Variants in FGGY observed in about 807,000 individuals in gnomAD.
The protein encoded by FGGY is FGGY carbohydrate kinase domain containing, also known as FGGY carbohydrate kinase domain-containing protein.
A neutral mutation model predicts 71.3 loss-of-function variants in FGGY; 72 were observed. The observed-to-expected ratio is 1.01, with a 90% confidence interval of 0.84 to 1.23. FGGY has a LOEUF of 1.23. Among genes scored for constraint, FGGY ranks in the 50% most tolerant of loss-of-function variants. The probability of loss-of-function intolerance (pLI) is 0.00; values close to 1 mark genes in which losing one functional copy is unlikely to be tolerated. For missense variants in FGGY, 668 were observed against 682.3 expected, an observed-to-expected ratio of 0.98 and a Z score of 0.23; for synonymous variants, 251 against 250.3, an observed-to-expected ratio of 1.00 and a Z score of -0.02.
intron 6 of FGGY, among the ~76,000 whole-genome samples, chr1:59,469,598 T>C (rs2092832625): frequency 6.6e-6 from 1 of 152,220 alleles, no homozygotes; most frequent in Non-Finnish European, 1.5e-5. Flanking sequence ...ATTCATATTT[T>C]TTTTTAACTT....
intron 8 of FGGY, among the ~76,000 whole-genome samples, chr1:59,602,902 G>A (rs190437533): frequency 1.1e-4 from 16 of 152,230 alleles, no homozygotes; most frequent in Admixed American, 7.2e-4. Flanking sequence ...TGAGGTAAGC[G>A]ACCATGCCAC....
At chr1:59,690,483 A>G (rs1461570242) in intron 14 of FGGY, among the ~76,000 whole-genome samples, 2 of 152,180 alleles carry the variant, frequency 1.3e-5, no homozygotes, top group African/African-American at 2.4e-5. Context: ...ACCCATCTCT[A>G]TAAAGCTCCT....
At chr1:59,541,420 C>T (rs1267668573) in intron 7 of FGGY, among the ~76,000 whole-genome samples, 1 of 152,132 alleles carries the variant, frequency 6.6e-6, no homozygotes, top group Non-Finnish European at 1.5e-5. Flanking sequence ...ACAGCAGGTG[C>T]TGCCAGGCCT....
At chr1:59,457,989 A>G (rs1298455261) in intron 6 of FGGY, among the ~76,000 whole-genome samples, 4 of 152,322 alleles carry the variant, frequency 2.6e-5, no homozygotes, top group East Asian at 1.9e-4. Context: ...GCACTGTTGC[A>G]TGTTTACAGA....
intron 11 of FGGY, among the ~76,000 whole-genome samples, chr1:59,644,868 T>C (rs1467462250): frequency 6.6e-6 from 1 of 151,828 alleles, no homozygotes; most frequent in Non-Finnish European, 1.5e-5. Context: ...TCCCAGCTAC[T>C]CAGGAGGCTG....
rs775270443 is a variant in FGGY, at chr1:59,301,760, CTGGAG to C, written c.-15+4613_-15+4617del. ...TGGAGTTTCGCTCTTGTTGCCCAGG[CTGGAG>C]TGAAGTGGCGTGATCTCGGCTCACT... On this transcript the variant is annotated intron_variant, in intron 1 of 15. Coordinates refer to ENST00000303721, the MANE Select transcript of FGGY (RefSeq NM_018291.5). Among the ~76,000 whole-genome samples, 10 of 119,192 alleles carry C rather than the reference CTGGAG, an allele frequency of 8.4e-5. No individual in the cohort carries two copies. The East Asian group carries it at 2.1e-3, about 25-fold the overall frequency. The allele number at this position is 119,192 out of a possible 152,430, so 78.2% of individuals were successfully genotyped here.
intron 14 of FGGY, among the ~76,000 whole-genome samples, chr1:59,728,526 T>C (rs943392850): frequency 6.6e-6 from 1 of 152,088 alleles, no homozygotes. Flanking sequence ...TTTTGACCTA[T>C]ATCATTTTCC....
chr1:59,662,925 A>G (rs954500795), intron 12 of FGGY, among the ~76,000 whole-genome samples: 1 of 152,214 alleles, frequency 6.6e-6, no homozygotes, highest in Non-Finnish European at 1.5e-5. Context: ...TGTTAATGTT[A>G]TTGTATAAAA....
chr1:59,589,006 A>G (rs1011881287), intron 8 of FGGY, among the ~76,000 whole-genome samples: 6 of 152,218 alleles, frequency 3.9e-5, no homozygotes, highest in African/African-American at 1.4e-4. Context: ...AATTGGATAA[A>G]GAGTCAAGAC....
chr1:59,480,601 TA>T (rs2093433046), intron 6 of FGGY, among the ~76,000 whole-genome samples: 1 of 152,132 alleles, frequency 6.6e-6, no homozygotes, highest in Non-Finnish European at 1.5e-5. Context: ...TTGTGTTATT[TA>T]AAAAGAAGAG....
chr1:59,443,811 T>C (rs1453442092), intron 5 of FGGY, among the ~76,000 whole-genome samples: 1 of 152,176 alleles, frequency 6.6e-6, no homozygotes, highest in Non-Finnish European at 1.5e-5. Context: ...CACTGGGAAA[T>C]AGTTATGATT....
intron 5 of FGGY, among the ~76,000 whole-genome samples, chr1:59,453,625 C>G (rs985015804): frequency 1.2e-4 from 19 of 152,100 alleles, no homozygotes; most frequent in Admixed American, 8.5e-4. Context: ...GGCTATTGCC[C>G]TGCTCCATGT....
intron 7 of FGGY, among the ~76,000 whole-genome samples, chr1:59,537,349 G>C (rs1570903848): frequency 1.3e-5 from 2 of 152,084 alleles, no homozygotes; most frequent in East Asian, 1.9e-4. Flanking sequence ...AATAAAAGAG[G>C]ACACAAACAA....
intron 6 of FGGY, among the ~76,000 whole-genome samples, chr1:59,479,951 T>G (rs918286810): frequency 2.6e-5 from 4 of 152,210 alleles, no homozygotes; most frequent in Non-Finnish European, 5.9e-5. Flanking sequence ...CTTTTCTATA[T>G]GCTGTATCTA....
intron 4 of FGGY, among the ~76,000 whole-genome samples, chr1:59,347,506 C>T (rs1249003799): frequency 2.0e-5 from 3 of 151,986 alleles, no homozygotes; most frequent in Non-Finnish European, 4.4e-5. Context: ...CATTGTTGGA[C>T]ATTTGGGTTG....
At chr1:59,665,530 T>TGACC (rs2097315350) in intron 12 of FGGY, among the ~76,000 whole-genome samples, 1 of 152,130 alleles carries the variant, frequency 6.6e-6, no homozygotes, top group Admixed American at 6.5e-5. Context: ...GATCACCCTC[T>TGACC]GACCACTCCT....
intron 11 of FGGY, among the ~76,000 whole-genome samples, chr1:59,649,137 G>C (rs1436833387): frequency 1.3e-5 from 2 of 151,784 alleles, no homozygotes; most frequent in East Asian, 1.9e-4. Flanking sequence ...GTACCATGCT[G>C]TTTTGGTTAC....
Position 59,449,815 on chromosome 1 carries a change from A to G in FGGY, c.555-7146A>G, listed in dbSNP as rs2072260685. Among the ~76,000 whole-genome samples the G allele has an allele frequency of 2.0e-5, 3 of 152,234 alleles. No individual in the cohort carries two copies. The South Asian group carries it at 6.2e-4, about 32-fold the overall frequency. On this transcript the variant is annotated intron_variant, in intron 5 of 15. Coordinates refer to ENST00000303721, the MANE Select transcript of FGGY (RefSeq NM_018291.5). ...CCCATCTCTAAAAAATAAAAAAAAG[A>G]AAAAGTAATCTGGGCATGGTGGTGT...
At chr1:59,679,947 C>T (rs548386085) in intron 14 of FGGY, among the ~76,000 whole-genome samples, 1 of 152,254 alleles carries the variant, frequency 6.6e-6, no homozygotes, top group East Asian at 1.9e-4. Context: ...CCTAAATTAT[C>T]TCTATAAAAT....
Sources: allele counts gnomAD v4.1 joint callset (sites outside exome capture counted in the v4.1 genomes callset), GRCh38; gene constraint gnomAD v4.1.1; transcripts MANE v1.5; gene names NCBI Gene and HGNC (gene_info 2026-07-23, HGNC 2026-07-21).